VAPA: variants seen among roughly 807,000 people sequenced by gnomAD.
VAPA encodes VAMP associated protein A.
Under a neutral mutation model 25.6 loss-of-function variants are expected in VAPA, and 6 were observed. The observed-to-expected ratio is 0.23, with a 90% CI of 0.13 to 0.46. The LOEUF (loss-of-function observed/expected upper bound fraction) is 0.46, where lower values mean the gene tolerates loss of function less well. Among genes scored for constraint, VAPA ranks in the 20% least tolerant of loss-of-function variants. VAPA has a pLI of 0.99. For synonymous variants in VAPA, 112 were observed against 106.2 expected (o/e 1.05, Z -0.34); for missense variants, 244 against 302.1 (o/e 0.81, Z 1.43).
At chr18:9,944,115 C>T (rs2069396617) in intron 4 of VAPA, among the ~76,000 whole-genome samples, 1 of 151,840 alleles carries the variant, frequency 6.6e-6, no homozygotes, top group African/African-American at 2.4e-5. Flanking sequence ...TCCCAAAGTG[C>T]TGGGATTACA....
At chr18:9,932,167 T>G (rs2069262035) in intron 2 of VAPA, among the ~76,000 whole-genome samples, 2 of 152,202 alleles carry the variant, frequency 1.3e-5, no homozygotes, top group African/African-American at 2.4e-5. Context: ...GTGGTCAGTT[T>G]ATAAGAAATT....
At chr18:9,922,849 A>G (rs1436577312) in intron 1 of VAPA, among the ~76,000 whole-genome samples, 1 of 152,146 alleles carries the variant, frequency 6.6e-6, no homozygotes, top group Non-Finnish European at 1.5e-5. Flanking sequence ...TTACATCTTT[A>G]TGATGAACTC....
chr18:9,940,484 C>A (rs1157910726), intron 4 of VAPA, among the ~76,000 whole-genome samples: 1 of 152,008 alleles, frequency 6.6e-6, no homozygotes, highest in Non-Finnish European at 1.5e-5. Context: ...GAGTGGAGGC[C>A]CATTTTTCAC....
chr18:9,915,154 G>T, intron 1 of VAPA: 1 of 152,416 alleles, frequency 6.6e-6, no homozygotes, highest in East Asian at 1.9e-4. Flanking sequence ...CGACATTTCA[G>T]TGTGCCACCC....
intron 4 of VAPA, among the ~76,000 whole-genome samples, chr18:9,938,189 C>CT (rs2069330334): frequency 6.6e-6 from 1 of 151,938 alleles, no homozygotes; most frequent in African/African-American, 2.4e-5. Flanking sequence ...TCTGGATTGA[C>CT]TTTTTAAAAA....
rs764563985 is a variant in VAPA, at chr18:9,936,103, T to C, written c.233-7T>C. 1 of 1,581,672 alleles carries C rather than the reference T, an allele frequency of 6.3e-7. No homozygotes were observed. Among genetic ancestry groups the C allele is most frequent in the South Asian group, 1.2e-5 (1 of 85,518 alleles). ...ACAATATAATATATCCTTTTTTTCTTATTTAGTAATGCTACAGCCCTTTGA... is the reference window on the plus strand; with the variant it reads ...ACAATATAATATATCCTTTTTTTCTCATTTAGTAATGCTACAGCCCTTTGA... On this transcript the variant is annotated splice_region_variant and splice_polypyrimidine_tract_variant and intron_variant, in intron 2 of 5. Coordinates refer to ENST00000400000, the MANE Select transcript of VAPA (RefSeq NM_194434.3).
rs1431538684 is a variant in VAPA at position 9,960,012 on chromosome 18, T to C, written c.*5801T>C. ...TACAAACGAGAATCAAAATAAAGTTTTGCAAAGTATTTCTTTGGGTGCTTT... is the reference window on the plus strand; with the variant it reads ...TACAAACGAGAATCAAAATAAAGTTCTGCAAAGTATTTCTTTGGGTGCTTT... On this transcript the variant is annotated 3_prime_UTR_variant, in exon 6 of 6. Transcript: ENST00000400000. The C allele has an allele frequency of 1.3e-5, 2 of 152,220 alleles. No individual in the cohort carries two copies. The highest frequency in any genetic ancestry group is 2.1e-4 in the South Asian group (1 of 4,836). 9.4% of individuals were successfully genotyped at this position (152,220 alleles called of 1,614,324 possible).
chr18:9,953,516 C>T (rs760061250), intron 5 of VAPA, among the ~76,000 whole-genome samples: 3 of 152,128 alleles, frequency 2.0e-5, no homozygotes, highest in East Asian at 1.9e-4. Flanking sequence ...TCTCTGTTTA[C>T]GGCAAGAACA....
Position 9,959,738 on chromosome 18 carries a change from AAAAAAAAAAT to A in VAPA, c.*5528_*5537del, listed in dbSNP as rs2069586703. 6.6e-6 allele frequency: 1 copy of A among 151,242 alleles called. No individual in the cohort carries two copies. The highest frequency in any genetic ancestry group is 2.1e-4 in the South Asian group (1 of 4,800). The allele number at this position is 151,242 out of a possible 1,614,324, so 9.4% of individuals were successfully genotyped here. A position where few individuals can be genotyped will look rare whatever the true frequency, so the allele number is the denominator to read the frequency against. On this transcript the variant is annotated 3_prime_UTR_variant, in exon 6 of 6. Coordinates refer to ENST00000400000, the MANE Select transcript of VAPA (RefSeq NM_194434.3). ...CATTGTTCCAAAAAAAAAAAAAAAA[AAAAAAAAAAT>A]GTGGAGGGTTGAAATGGTAAGGAAT...
chr18:9,916,879 G>A (rs976678228), intron 1 of VAPA, among the ~76,000 whole-genome samples: 27 of 152,174 alleles, frequency 1.8e-4, no homozygotes, highest in Non-Finnish European at 3.8e-4. Flanking sequence ...GTTTCTCCAG[G>A]AGTGACTCAG....
At chr18:9,949,227 A>G (rs1296160408) in intron 4 of VAPA, 1 of 152,168 alleles carries the variant, frequency 6.6e-6, no homozygotes, top group Non-Finnish European at 1.5e-5. Flanking sequence ...AAACTCAGAG[A>G]ATTGAAGTAG....
intron 4 of VAPA, among the ~76,000 whole-genome samples, chr18:9,944,016 C>T (rs1342911451): frequency 2.0e-5 from 3 of 151,754 alleles, no homozygotes; most frequent in Non-Finnish European, 4.4e-5. Context: ...TGCCCGCCAC[C>T]ACGCCTGGCT....
At chr18:9,931,386 G>T (rs1426271066) in intron 1 of VAPA, among the ~76,000 whole-genome samples, 2 of 152,220 alleles carry the variant, frequency 1.3e-5, no homozygotes, top group African/African-American at 4.8e-5. Context: ...AAGCACTGAT[G>T]TCATAGGGTG....
In VAPA at chr18:9,931,977, T is replaced by C. The variant is rs1337299847; in HGVS notation, c.232+15T>C. The C allele has an allele frequency of 6.5e-7, 1 of 1,548,812 alleles. No homozygotes were observed. Among genetic ancestry groups the C allele is most frequent in the Non-Finnish European group, 8.8e-7 (1 of 1,140,544 alleles). ...GACTGTTTCAGGTAGCAAATCATGT[T>C]CTGAATTTATGTACATTTGAATTTT... On this transcript the variant is annotated intron_variant, in intron 2 of 5. Coordinates refer to ENST00000400000, the MANE Select transcript of VAPA (RefSeq NM_194434.3).
At position 9,944,145 on chromosome 18, in the gene VAPA, G is replaced by A. The variant is rs901083275; in HGVS notation, c.418-6250G>A. On this transcript the variant is annotated intron_variant, in intron 4 of 5. Transcript: ENST00000400000. The stretch of plus-strand genomic sequence containing the variant: ...ATTACAAGCGTGAGCCACCGCGCCT[G>A]ACCTTGAAGGTGACATATTTTCTAG... 3.2e-4 allele frequency among the ~76,000 whole-genome samples: 48 copies of A among 151,978 alleles called. 1 individual carries two copies. Among genetic ancestry groups the A allele is most frequent in the Middle Eastern group, 6.8e-3 (2 of 294 alleles).
chr18:9,921,121 C>T (rs1016283102), intron 1 of VAPA, among the ~76,000 whole-genome samples: 3 of 152,126 alleles, frequency 2.0e-5, no homozygotes, highest in Non-Finnish European at 4.4e-5. Context: ...AAATGATTGC[C>T]CAGTAAGTGT....
At chr18:9,923,242 T>C (rs1383611812) in intron 1 of VAPA, among the ~76,000 whole-genome samples, 2 of 152,018 alleles carry the variant, frequency 1.3e-5, no homozygotes, top group African/African-American at 4.8e-5. Flanking sequence ...TTTAGTTACG[T>C]ATCTTTTAGC....
rs1319308881 is a variant in VAPA at position 9,914,021 on chromosome 18, T to G, written c.-236T>G. The G allele has an allele frequency of 4.4e-6, 2 of 450,630 alleles. No individual in the cohort carries two copies. Among genetic ancestry groups the G allele is most frequent in the Non-Finnish European group, 7.9e-6 (2 of 251,956 alleles). The allele number at this position is 450,630 out of a possible 1,614,324, so 27.9% of individuals were successfully genotyped here. On this transcript the variant is annotated 5_prime_UTR_variant, in exon 1 of 6. Coordinates refer to ENST00000400000, the MANE Select transcript of VAPA (RefSeq NM_194434.3). ...AGGCCGTCACGTGGGTCGCCGAGGCTCGCAAGTGCGCGTGGCCGTGGCGGC... is the reference window on the plus strand; with the variant it reads ...AGGCCGTCACGTGGGTCGCCGAGGCGCGCAAGTGCGCGTGGCCGTGGCGGC...
chr18:9,948,065 A>G (rs2069444742), intron 4 of VAPA: 1 of 152,156 alleles, frequency 6.6e-6, no homozygotes, highest in Non-Finnish European at 1.5e-5. Flanking sequence ...TATTCTTTGC[A>G]TTCTATTCTG....
Sources: gnomAD v4.1 joint callset for allele counts (sites outside exome capture counted in the v4.1 genomes callset) on GRCh38, gnomAD v4.1.1 for gene constraint, MANE v1.5 for transcripts, NCBI Gene and HGNC (gene_info 2026-07-23, HGNC 2026-07-21) for gene names.